The following SLCO1B1 variants were observed in gnomAD, a reference collection of about 807,000 sequenced individuals.
The protein encoded by SLCO1B1 is solute carrier organic anion transporter family member 1B1.
In SLCO1B1, 81 loss-of-function variants were observed where a neutral mutation model predicts 70.1. That is an observed-to-expected ratio of 1.16 (90% CI 0.97 to 1.39). The LOEUF is 1.39. Among genes scored for constraint, SLCO1B1 ranks in the 40% most tolerant of loss-of-function variants. The pLI is 0.00. For synonymous variants in SLCO1B1, 283 were observed against 271.5 expected, an observed-to-expected ratio of 1.04 and a Z score of -0.42; for missense variants, 895 against 799.6, an observed-to-expected ratio of 1.12 and a Z score of -1.44.
chr12:21,224,242 A>G (rs141354246), intron 13 of SLCO1B1, among the ~76,000 whole-genome samples: 352 of 152,142 alleles, frequency 2.3e-3, no homozygotes, highest in African/African-American at 7.9e-3. Flanking sequence ...GGGAGTTCTG[A>G]TGAAGCACTC....
chr12:21,149,478 T>C (rs1476683960), intron 2 of SLCO1B1, among the ~76,000 whole-genome samples: 2 of 152,156 alleles, frequency 1.3e-5, no homozygotes, highest in Non-Finnish European at 2.9e-5. Flanking sequence ...AGGTGGGTGA[T>C]TTCTGCATTT....
intron 14 of SLCO1B1, among the ~76,000 whole-genome samples, chr12:21,233,277 G>A (rs189033699): frequency 3.7e-4 from 57 of 152,098 alleles, no homozygotes; most frequent in African/African-American, 1.3e-3. Flanking sequence ...AAATAATGAG[G>A]GTTTTCTGAG....
At chr12:21,202,074 C>G (rs1222999882) in intron 9 of SLCO1B1, among the ~76,000 whole-genome samples, 1 of 151,970 alleles carries the variant, frequency 6.6e-6, no homozygotes, top group African/African-American at 2.4e-5. Flanking sequence ...ATGGATGAAG[C>G]TGGAAACCAT....
chr12:21,179,812 A>C (rs977401647), intron 7 of SLCO1B1, among the ~76,000 whole-genome samples: 5 of 152,082 alleles, frequency 3.3e-5, no homozygotes, highest in Admixed American at 3.3e-4. Context: ...TTTATTCAGC[A>C]AACACACCCA....
intron 1 of SLCO1B1, among the ~76,000 whole-genome samples, chr12:21,138,954 T>C (rs1455979839): frequency 6.6e-6 from 1 of 152,146 alleles, no homozygotes; most frequent in East Asian, 1.9e-4. Flanking sequence ...TTTTGTGTCG[T>C]TAAAGGGATC....
intron 2 of SLCO1B1, among the ~76,000 whole-genome samples, chr12:21,163,719 G>C (rs937166181): frequency 3.3e-5 from 5 of 151,924 alleles, no homozygotes; most frequent in African/African-American, 1.2e-4. Context: ...TTCTTAAAAG[G>C]GTACAAATCT....
chr12:21,180,756 C>A (rs1940885703), intron 7 of SLCO1B1, among the ~76,000 whole-genome samples: 1 of 152,128 alleles, frequency 6.6e-6, no homozygotes, highest in South Asian at 2.1e-4. Flanking sequence ...TACATTATTT[C>A]TACTCATTCA....
chr12:21,217,917 A>G (rs1006750685), intron 12 of SLCO1B1, among the ~76,000 whole-genome samples: 17 of 152,152 alleles, frequency 1.1e-4, no homozygotes, highest in African/African-American at 3.9e-4. Context: ...TACAGGAAAG[A>G]CTGGTGTGAG....
intron 7 of SLCO1B1, among the ~76,000 whole-genome samples, chr12:21,182,724 CA>C (rs1940918326): frequency 6.6e-6 from 1 of 152,184 alleles, no homozygotes; most frequent in Admixed American, 6.5e-5. Flanking sequence ...AGTGGAGACA[CA>C]GGCTAGTCCC....
chr12:21,154,946 T>G (rs1940520909), intron 2 of SLCO1B1, among the ~76,000 whole-genome samples: 1 of 152,058 alleles, frequency 6.6e-6, no homozygotes, highest in South Asian at 2.1e-4. Context: ...GTACCCACTT[T>G]TGCTGTTAGA....
At chr12:21,209,861 T>A (rs555920375) in intron 11 of SLCO1B1, among the ~76,000 whole-genome samples, 2,571 of 152,242 alleles carry the variant, frequency 0.017, 36 homozygotes, top group Non-Finnish European at 0.024. Context: ...TGTCTTCTTT[T>A]GAGAAGTGTC....
At chr12:21,216,888 A>G (rs897689954) in intron 11 of SLCO1B1, among the ~76,000 whole-genome samples, 11 of 152,172 alleles carry the variant, frequency 7.2e-5, no homozygotes, top group African/African-American at 2.4e-4. Context: ...CTTAGTTTTA[A>G]AATTAAGAAT....
At chr12:21,218,462 G>GA (rs4149101) in intron 12 of SLCO1B1, among the ~76,000 whole-genome samples, 50,946 of 147,992 alleles carry the variant, frequency 0.34, 8,855 homozygotes, top group East Asian at 0.45. Context: ...TGGTAGAGAT[G>GA]AAAAAAAAAA....
chr12:21,179,158 A>G (rs1166018466), intron 7 of SLCO1B1, 138 bp downstream of exon 7: 1 of 643,374 alleles, frequency 1.6e-6, no homozygotes, highest in African/African-American at 1.8e-5. Context: ...TAGGAAATAA[A>G]TGTATTACTA....
chr12:21,169,481 C>T (rs982379645), intron 2 of SLCO1B1, among the ~76,000 whole-genome samples: 1 of 151,984 alleles, frequency 6.6e-6, no homozygotes, highest in Admixed American at 6.6e-5. Flanking sequence ...ATTTTTTCTT[C>T]TGCCTAGCCA....
chr12:21,182,074 C>G (rs1314429199), intron 7 of SLCO1B1, among the ~76,000 whole-genome samples: 2 of 152,104 alleles, frequency 1.3e-5, no homozygotes, highest in African/African-American at 4.8e-5. Flanking sequence ...TCGAGCATAT[C>G]TTTTGAGAGA....
chr12:21,162,642 G>A (rs1160704914), intron 2 of SLCO1B1, among the ~76,000 whole-genome samples: 1 of 152,126 alleles, frequency 6.6e-6, no homozygotes, highest in Admixed American at 6.6e-5. Flanking sequence ...ATAATAAGGA[G>A]ATGTATAATA....
intron 2 of SLCO1B1, among the ~76,000 whole-genome samples, chr12:21,143,001 A>G (rs1940332674): frequency 6.6e-6 from 1 of 152,096 alleles, no homozygotes; most frequent in Non-Finnish European, 1.5e-5. Flanking sequence ...TATTTCAGAA[A>G]CATCGCTAAA....
chr12:21,131,998 C>A (rs1344208637), intron 1 of SLCO1B1, among the ~76,000 whole-genome samples: 2 of 152,112 alleles, frequency 1.3e-5, no homozygotes, highest in African/African-American at 4.8e-5. Context: ...TCCCCCACCC[C>A]ACAACAGTCC....
Sources: gnomAD v4.1 joint callset for allele counts (sites outside exome capture counted in the v4.1 genomes callset) on GRCh38, gnomAD v4.1.1 for gene constraint, MANE v1.5 for transcripts, NCBI Gene and HGNC (gene_info 2026-07-23, HGNC 2026-07-21) for gene names.